Variants in STX8 observed in about 807,000 individuals in gnomAD.
STX8 encodes the protein syntaxin-8.
In STX8, 23 loss-of-function variants were observed where a neutral mutation model predicts 37.5. The ratio of observed to expected loss-of-function variants is 0.61; its 90% confidence interval spans 0.44 to 0.87. STX8 has a LOEUF of 0.87. Ranked by LOEUF, STX8 falls within the 40% of genes least tolerant of loss-of-function variation. The pLI is 0.00. For missense variants in STX8, 313 were observed against 284.7 expected (o/e 1.10, Z -0.71); for synonymous variants, 115 against 99.1 (o/e 1.16, Z -0.95).
chr17:9,282,944 A>G (rs1039960702), intron 7 of STX8, among the ~76,000 whole-genome samples: 19 of 151,418 alleles, frequency 1.3e-4, no homozygotes, highest in Non-Finnish European at 2.1e-4. Flanking sequence ...GAAGAACTGC[A>G]CATGTATGTC....
intron 6 of STX8, chr17:9,464,966 C>A (rs887974358): frequency 6.6e-6 from 1 of 152,182 alleles, no homozygotes; most frequent in Non-Finnish European, 1.5e-5. Flanking sequence ...CATGATCTGC[C>A]CGCCTCGGCC....
intron 7 of STX8, among the ~76,000 whole-genome samples, chr17:9,295,400 T>C (rs755856844): frequency 3.9e-5 from 6 of 152,206 alleles, no homozygotes; most frequent in Admixed American, 6.5e-5. Flanking sequence ...CATTCAATAA[T>C]TGTTTATAGA....
At chr17:9,360,822 A>G (rs1351368345) in intron 7 of STX8, among the ~76,000 whole-genome samples, 3 of 152,190 alleles carry the variant, frequency 2.0e-5, no homozygotes, top group Non-Finnish European at 4.4e-5. Context: ...CTCAAGGACA[A>G]CTGAGATGCA....
intron 7 of STX8, chr17:9,273,441 G>T (rs1326276670): frequency 6.6e-6 from 1 of 152,218 alleles, no homozygotes; most frequent in African/African-American, 2.4e-5. Context: ...TGGAAGCAGG[G>T]CCTCGAGGTA....
At chr17:9,499,611 G>T (rs577700501) in intron 5 of STX8, among the ~76,000 whole-genome samples, 1 of 152,242 alleles carries the variant, frequency 6.6e-6, no homozygotes, top group East Asian at 1.9e-4. Context: ...TGTTGGCCAG[G>T]ATGGTCTCGA....
At chr17:9,382,647 T>A (rs1198250140) in intron 6 of STX8, among the ~76,000 whole-genome samples, 1 of 152,158 alleles carries the variant, frequency 6.6e-6, no homozygotes, top group African/African-American at 2.4e-5. Context: ...TAAAGCATAG[T>A]GTTTGTATGA....
chr17:9,323,746 G>C (rs1249768976), intron 7 of STX8, among the ~76,000 whole-genome samples: 3 of 152,208 alleles, frequency 2.0e-5, no homozygotes, highest in African/African-American at 7.2e-5. Flanking sequence ...AAGAGAGGAG[G>C]CCTGTCCTGA....
At chr17:9,466,189 T>G (rs1905605474) in intron 6 of STX8, among the ~76,000 whole-genome samples, 1 of 152,210 alleles carries the variant, frequency 6.6e-6, no homozygotes, top group Admixed American at 6.5e-5. Flanking sequence ...GCCAGGATGG[T>G]CTCGATCTCC....
intron 6 of STX8, among the ~76,000 whole-genome samples, chr17:9,475,941 G>A (rs1181759518): frequency 6.6e-6 from 1 of 152,242 alleles, no homozygotes; most frequent in African/African-American, 2.4e-5. Context: ...AGCACTTCGG[G>A]AGGTCAAGGT....
chr17:9,419,296 C>G (rs1913338164), intron 6 of STX8, among the ~76,000 whole-genome samples: 1 of 152,128 alleles, frequency 6.6e-6, no homozygotes, highest in African/African-American at 2.4e-5. Flanking sequence ...AAGGTGATCT[C>G]AAACTCCTGG....
chr17:9,525,514 T>G (rs1048278576), intron 4 of STX8, among the ~76,000 whole-genome samples: 2 of 151,912 alleles, frequency 1.3e-5, no homozygotes, highest in African/African-American at 4.8e-5. Context: ...ACCCAGCTAA[T>G]TTTTTGTATT....
chr17:9,360,984 GA>G (rs981820814), intron 7 of STX8, among the ~76,000 whole-genome samples: 1 of 152,158 alleles, frequency 6.6e-6, no homozygotes, highest in African/African-American at 2.4e-5. Context: ...CTAGTCCAGA[GA>G]AATTGACCTT....
At chr17:9,370,545 T>G (rs749642377) in intron 7 of STX8, among the ~76,000 whole-genome samples, 12 of 152,288 alleles carry the variant, frequency 7.9e-5, no homozygotes, top group Middle Eastern at 3.4e-3. Context: ...TGAAGGCAGA[T>G]CCAATGGTCG....
At chr17:9,498,998 T>C (rs1167080158) in intron 5 of STX8, among the ~76,000 whole-genome samples, 1 of 152,218 alleles carries the variant, frequency 6.6e-6, no homozygotes, top group East Asian at 1.9e-4. Context: ...CATTTCATGC[T>C]TCAAATTACA....
intron 6 of STX8, among the ~76,000 whole-genome samples, chr17:9,405,859 C>T (rs542595013): frequency 2.0e-5 from 3 of 152,308 alleles, no homozygotes; most frequent in South Asian, 2.1e-4. Context: ...TCAAACCATC[C>T]GTTACTGGCA....
chr17:9,296,506 A>AAAG (rs1365611310), intron 7 of STX8, among the ~76,000 whole-genome samples: 1 of 152,006 alleles, frequency 6.6e-6, no homozygotes, highest in African/African-American at 2.4e-5. Context: ...CTCTCAAAAA[A>AAAG]AAAAAAAAAT....
chr17:9,476,478 A>G (rs983935880), intron 6 of STX8, among the ~76,000 whole-genome samples: 4 of 148,968 alleles, frequency 2.7e-5, no homozygotes, highest in Admixed American at 2.7e-4. Context: ...TTTGAGATAG[A>G]GTCTCGTTCT....
At chr17:9,554,587 C>T (rs1430609579) in intron 3 of STX8, 1 of 152,148 alleles carries the variant, frequency 6.6e-6, no homozygotes, top group Non-Finnish European at 1.5e-5. Context: ...AATATACAAG[C>T]TACCTCCTTT....
At chr17:9,433,769 G>A (rs918022474) in intron 6 of STX8, among the ~76,000 whole-genome samples, 1 of 152,154 alleles carries the variant, frequency 6.6e-6, no homozygotes, top group African/African-American at 2.4e-5. Context: ...AGTATTGTGA[G>A]GACCCAGAGA....
Sources: gnomAD v4.1 joint callset for allele counts (sites outside exome capture counted in the v4.1 genomes callset) on GRCh38, gnomAD v4.1.1 for gene constraint, MANE v1.5 for transcripts, NCBI Gene and HGNC (gene_info 2026-07-23, HGNC 2026-07-21) for gene names.